TAF10: variants seen among roughly 807,000 people sequenced by gnomAD.
TAF10 encodes transcription initiation factor TFIID subunit 10.
In TAF10, 2 loss-of-function variants were observed where a neutral mutation model predicts 18.1. That is an observed-to-expected ratio of 0.11 (90% CI 0.05 to 0.35). The LOEUF is 0.35. Ranked by LOEUF, TAF10 falls within the 10% of genes least tolerant of loss-of-function variation. TAF10 has a pLI of 1.00. For synonymous variants in TAF10, 158 were observed against 134.6 expected (o/e 1.17, Z -1.20); for missense variants, 293 against 306.9 (o/e 0.95, Z 0.34).
At position 6,610,482 on chromosome 11, in the gene TAF10, G is replaced by T; in HGVS notation, c.*440C>A. ...CGCAGGTGGCATTGGAAGGCCTTCGGCCTACCATCCCACCAGGTATTTCCC... is the reference window on the plus strand; with the variant it reads ...CGCAGGTGGCATTGGAAGGCCTTCGTCCTACCATCCCACCAGGTATTTCCC... On this transcript the variant is annotated 3_prime_UTR_variant, in exon 5 of 5. Transcript: ENST00000299424. The T allele has an allele frequency of 6.2e-7, 1 of 1,614,186 alleles. No homozygotes were observed. Among genetic ancestry groups the T allele is most frequent in the Non-Finnish European group, 8.5e-7 (1 of 1,180,030 alleles).
Position 6,608,801 on chromosome 11 carries a change from C to T in TAF10, c.*2121G>A. ...GAGAGCTTCTCCGAGGTCCATCTCC[C>T]CATCCCCTAGCTTGTGTCCTCTCGT... On this transcript the variant is annotated 3_prime_UTR_variant, in exon 5 of 5. Coordinates refer to ENST00000299424, the MANE Select transcript of TAF10 (RefSeq NM_006284.4). This position sits in a 1 kb window ranked among gnomAD's most constrained non-coding sequence, Gnocchi z 4.9. 6.2e-7 allele frequency: 1 copy of T among 1,612,752 alleles called. No individual in the cohort carries two copies. The highest frequency in any genetic ancestry group is 8.5e-7 in the Non-Finnish European group (1 of 1,178,734).
At position 6,609,810 on chromosome 11, in the gene TAF10, A is replaced by G. The variant is rs201508380; in HGVS notation, c.*1112T>C. 7 of 1,614,046 alleles carry G rather than the reference A, an allele frequency of 4.3e-6. No homozygotes were observed. Among genetic ancestry groups the G allele is most frequent in the Non-Finnish European group, 1.7e-6 (2 of 1,180,026 alleles). On this transcript the variant is annotated 3_prime_UTR_variant, in exon 5 of 5. Transcript: ENST00000299424. ...CTTCCTACACACACTAGAGCCCCTC[A>G]TCCCACGACATGCACTCAATAGCCG... is the stretch of plus-strand genomic sequence containing the variant.
rs1392625092 is a variant in TAF10, at chr11:6,608,591, T to C, written c.*2331A>G. The stretch of plus-strand genomic sequence containing the variant: ...AACCCATTCTGTCAGTACTACTGTG[T>C]GACACTTACAGGATTAAGTTCTACA... On this transcript the variant is annotated 3_prime_UTR_variant, in exon 5 of 5. Coordinates refer to ENST00000299424, the MANE Select transcript of TAF10 (RefSeq NM_006284.4). The surrounding 1 kb of genome is among the most constrained non-coding windows in gnomAD (Gnocchi z 4.9). 1.2e-5 allele frequency: 16 copies of C among 1,339,444 alleles called. No homozygotes were observed. The highest frequency in any genetic ancestry group is 1.6e-5 in the Non-Finnish European group (15 of 929,722). The allele number at this position is 1,339,444 out of a possible 1,614,324, so 83.0% of individuals were successfully genotyped here. A position where few individuals can be genotyped will look rare whatever the true frequency, so the allele number is the denominator to read the frequency against.
chr11:6,610,733 T>G lies in TAF10; in HGVS notation c.*189A>C. On this transcript the variant is annotated 3_prime_UTR_variant, in exon 5 of 5. Coordinates refer to ENST00000299424, the MANE Select transcript of TAF10 (RefSeq NM_006284.4). ...TCCAGTCATGGTACTACCCCAGCCA[T>G]GGGGTCCATCCCCTTCCCCCATCCC... The G allele has an allele frequency of 2.9e-6, 4 of 1,385,406 alleles. No homozygotes were observed. The highest frequency in any genetic ancestry group is 4.1e-6 in the Non-Finnish European group (4 of 984,612). The allele number at this position is 1,385,406 out of a possible 1,614,324, so 85.8% of individuals were successfully genotyped here.
In TAF10 at chr11:6,612,207, C is replaced by T. The variant is rs1408688616; in HGVS notation, c.-18G>A. 4 of 1,241,464 alleles carry T rather than the reference C, an allele frequency of 3.2e-6. No homozygotes were observed. Among genetic ancestry groups the T allele is most frequent in the South Asian group, 2.1e-5 (1 of 46,930 alleles). 76.9% of individuals were successfully genotyped at this position (1,241,464 alleles called of 1,614,324 possible). A position where few individuals can be genotyped will look rare whatever the true frequency, so the allele number is the denominator to read the frequency against. ...CAGCTCATCGGGCCGGTGGGAGAGG[C>T]GGCGAACAGAGCCGCTTCCGCTTCC... On this transcript the variant is annotated 5_prime_UTR_variant, in exon 1 of 5. Transcript: ENST00000299424.
chr11:6,608,792 T>TC lies in TAF10; in HGVS notation c.*2129dup, dbSNP rs1254352312. 1 of 1,613,190 alleles carries TC rather than the reference T, an allele frequency of 6.2e-7. No homozygotes were observed. Among genetic ancestry groups the TC allele is most frequent in the Non-Finnish European group, 8.5e-7 (1 of 1,179,340 alleles). ...CACCCCTGAGAGAGCTTCTCCGAGG[T>TC]CCATCTCCCCATCCCCTAGCTTGTG... On this transcript the variant is annotated 3_prime_UTR_variant, in exon 5 of 5. Transcript: ENST00000299424. This position sits in a 1 kb window ranked among gnomAD's most constrained non-coding sequence, Gnocchi z 4.9.
rs1855051619 is a variant in TAF10 at position 6,607,573 on chromosome 11, TCTC to T, written c.*3346_*3348del. On this transcript the variant is annotated 3_prime_UTR_variant, in exon 5 of 5. Transcript: ENST00000299424. Reference sequence around the variant, plus strand: ...TGGCCTGCCTTCTCCAAGACACCCTTCTCCCCCACTAACATGCACTGAACAGCT... The same window carrying T: ...TGGCCTGCCTTCTCCAAGACACCCTTCCCCACTAACATGCACTGAACAGCT... 1 of 182,274 alleles carries T rather than the reference TCTC, an allele frequency of 5.5e-6. No homozygotes were observed. The highest frequency in any genetic ancestry group is 2.4e-5 in the African/African-American group (1 of 42,222). The allele number at this position is 182,274 out of a possible 1,614,324, so 11.3% of individuals were successfully genotyped here. A position where few individuals can be genotyped will look rare whatever the true frequency, so the allele number is the denominator to read the frequency against.
Position 6,610,581 on chromosome 11 carries a change from G to A in TAF10, c.*341C>T. ...AGCGACCCAAATTTGACATGATTGT[G>A]CCTATCCTTGAGAAGATGCAGGACA... On this transcript the variant is annotated 3_prime_UTR_variant, in exon 5 of 5. Coordinates refer to ENST00000299424, the MANE Select transcript of TAF10 (RefSeq NM_006284.4). 1.9e-6 allele frequency: 3 copies of A among 1,614,226 alleles called. No homozygotes were observed. Among genetic ancestry groups the A allele is most frequent in the Non-Finnish European group, 2.5e-6 (3 of 1,180,034 alleles).
In TAF10 at chr11:6,609,166, G is replaced by C. The variant is rs876657478; in HGVS notation, c.*1756C>G. ...GAATCACTCTGGAGAGGTGACCCCT[G>C]CCCTTCTTGCCCTTCCCTCACTAAA... On this transcript the variant is annotated 3_prime_UTR_variant, in exon 5 of 5. Transcript: ENST00000299424. 2 of 1,609,134 alleles carry C rather than the reference G, an allele frequency of 1.2e-6. No individual in the cohort carries two copies. Among genetic ancestry groups the C allele is most frequent in the Admixed American group, 1.7e-5 (1 of 60,002 alleles).
In TAF10 at chr11:6,606,301, A is replaced by T. The variant is rs2555175; in HGVS notation, c.*4621T>A. 0.53 allele frequency: 80,924 copies of T among 152,084 alleles called. 21,815 individuals are homozygous for T. The highest frequency in any genetic ancestry group is 0.6 in the African/African-American group (24,681 of 41,472). The allele number at this position is 152,084 out of a possible 1,614,324, so 9.4% of individuals were successfully genotyped here. ...AGTGATGGTGACTCAGAGTGGCAAA[A>T]TCAAATTCTTTATTTTTTAAAATTG... On this transcript the variant is annotated 3_prime_UTR_variant, in exon 5 of 5. Coordinates refer to ENST00000299424, the MANE Select transcript of TAF10 (RefSeq NM_006284.4).
intron 4 of TAF10, 30 bp downstream of exon 4, chr11:6,611,159 A>G (rs1230319709): frequency 6.2e-7 from 1 of 1,607,510 alleles, no homozygotes; most frequent in South Asian, 1.1e-5. Flanking sequence ...GTGGAAGGTA[A>G]TTACTGATTC....
chr11:6,609,011 C>G lies in TAF10; in HGVS notation c.*1911G>C, dbSNP rs183160844. The G allele has an allele frequency of 5.0e-6, 8 of 1,612,524 alleles. No individual in the cohort carries two copies. The highest frequency in any genetic ancestry group is 6.8e-6 in the Non-Finnish European group (8 of 1,178,670). ...AAGAAGGGTTGTAAAAGGAAATAATCCTGGCCTCTTGGGGCTGGGTTAGGG... is the reference window on the plus strand; with the variant it reads ...AAGAAGGGTTGTAAAAGGAAATAATGCTGGCCTCTTGGGGCTGGGTTAGGG... On this transcript the variant is annotated 3_prime_UTR_variant, in exon 5 of 5. Coordinates refer to ENST00000299424, the MANE Select transcript of TAF10 (RefSeq NM_006284.4).
Position 6,612,038 on chromosome 11 carries a change from C to G in TAF10, c.152G>C (p.Gly51Ala). 6.7e-7 allele frequency: 1 copy of G among 1,487,986 alleles called. No homozygotes were observed. The highest frequency in any genetic ancestry group is 2.2e-5 in the Admixed American group (1 of 44,678). 92.2% of individuals were successfully genotyped at this position (1,487,986 alleles called of 1,614,324 possible). A position where few individuals can be genotyped will look rare whatever the true frequency, so the allele number is the denominator to read the frequency against. Reference protein sequence around the residue: ...NKASPAGTAGGPGAGAAAGGT... With the variant: ...NKASPAGTAGAPGAGAAAGGT... Reference sequence around the variant, plus strand: ...CCCAGCAGCTGCTCCAGCCCCAGGTCCCCCCGCTGTCCCCGCGGGGCTGGC... The same window carrying G: ...CCCAGCAGCTGCTCCAGCCCCAGGTGCCCCCGCTGTCCCCGCGGGGCTGGC... Residue 51 changes from glycine (G) to alanine (A), a missense_variant, in exon 1 of 5, where the codon GGA becomes GCA. Coordinates refer to ENST00000299424, the MANE Select transcript of TAF10 (RefSeq NM_006284.4).
rs1855380722 is a variant in TAF10, at chr11:6,610,377, A to G, written c.*545T>C. 6.2e-7 allele frequency: 1 copy of G among 1,613,064 alleles called. No homozygotes were observed. The highest frequency in any genetic ancestry group is 2.2e-5 in the East Asian group (1 of 44,884). On this transcript the variant is annotated 3_prime_UTR_variant, in exon 5 of 5. Coordinates refer to ENST00000299424, the MANE Select transcript of TAF10 (RefSeq NM_006284.4). ...GCTCCTCACATATTTGTTCGGATAT[A>G]CAGTAATCCTGTCCCAAGGGCCAGT...
rs1043390 is a variant in TAF10, at chr11:6,609,602, G to C, written c.*1320C>G. The C allele has an allele frequency of 2.5e-6, 4 of 1,613,816 alleles. No individual in the cohort carries two copies. Among genetic ancestry groups the C allele is most frequent in the African/African-American group, 1.3e-5 (1 of 74,812 alleles). Reference sequence around the variant, plus strand: ...CTACTCTCATCACACACTGGATGCCGTATGGATCCCTCTACAATGTACTAC... The same window carrying C: ...CTACTCTCATCACACACTGGATGCCCTATGGATCCCTCTACAATGTACTAC... On this transcript the variant is annotated 3_prime_UTR_variant, in exon 5 of 5. Transcript: ENST00000299424.
Position 6,610,788 on chromosome 11 carries a change from C to T in TAF10, c.*134G>A, listed in dbSNP as rs1025953040. 7 of 1,345,756 alleles carry T rather than the reference C, an allele frequency of 5.2e-6. No homozygotes were observed. In the African/African-American group the frequency reaches 5.7e-5, roughly 11 times the overall value. The allele number at this position is 1,345,756 out of a possible 1,614,324, so 83.4% of individuals were successfully genotyped here. Reference sequence around the variant, plus strand: ...ACTGTGGCCCCAAGAGGGGCGGGCTCAGAGCTTTGTCACTTGCCACATGGT... The same window carrying T: ...ACTGTGGCCCCAAGAGGGGCGGGCTTAGAGCTTTGTCACTTGCCACATGGT... On this transcript the variant is annotated 3_prime_UTR_variant, in exon 5 of 5. Coordinates refer to ENST00000299424, the MANE Select transcript of TAF10 (RefSeq NM_006284.4).
chr11:6,608,326 A>T lies in TAF10; in HGVS notation c.*2596T>A, dbSNP rs1855149459. 1.9e-6 allele frequency: 3 copies of T among 1,572,838 alleles called. No individual in the cohort carries two copies. In the South Asian group the frequency reaches 3.3e-5, roughly 17 times the overall value. ...CTCTTCCCCCTTTTCCCATGCCCTGACACCAGTATCTCATTTGGAACTGAC... is the reference window on the plus strand; with the variant it reads ...CTCTTCCCCCTTTTCCCATGCCCTGTCACCAGTATCTCATTTGGAACTGAC... On this transcript the variant is annotated 3_prime_UTR_variant, in exon 5 of 5. Coordinates refer to ENST00000299424, the MANE Select transcript of TAF10 (RefSeq NM_006284.4). This position sits in a 1 kb window ranked among gnomAD's most constrained non-coding sequence, Gnocchi z 4.9.
Position 6,610,669 on chromosome 11 carries a change from C to T in TAF10, c.*253G>A. ...GTCGGGACATGGTTGGGGGAATGCA[C>T]CTCCCCAAAGCAGCAGGCCTCTGGT... is the stretch of plus-strand genomic sequence containing the variant. On this transcript the variant is annotated 3_prime_UTR_variant, in exon 5 of 5. Transcript: ENST00000299424. The T allele has an allele frequency of 6.2e-7, 1 of 1,602,306 alleles. No homozygotes were observed. Among genetic ancestry groups the T allele is most frequent in the Non-Finnish European group, 8.5e-7 (1 of 1,170,134 alleles).
Position 6,612,049 on chromosome 11 carries a change from C to T in TAF10, c.141G>A (p.Gly47=). 6.8e-7 allele frequency: 1 copy of T among 1,468,304 alleles called. No homozygotes were observed. Among genetic ancestry groups the T allele is most frequent in the Non-Finnish European group, 8.9e-7 (1 of 1,119,288 alleles). 91.0% of individuals were successfully genotyped at this position (1,468,304 alleles called of 1,614,324 possible). Residue 47 remains glycine (G), a synonymous_variant, in exon 1 of 5, where the codon GGG becomes GGA. Coordinates refer to ENST00000299424, the MANE Select transcript of TAF10 (RefSeq NM_006284.4). ...TAAENKASPA[G]TAGGPGAGAA... is the part of the protein sequence containing the mutation. ...CTCCAGCCCCAGGTCCCCCCGCTGT[C>T]CCCGCGGGGCTGGCCTTGTTCTCCG... is the stretch of plus-strand genomic sequence containing the variant.
Sources: allele counts gnomAD v4.1 joint callset, GRCh38; gene constraint gnomAD v4.1.1; non-coding constraint Gnocchi (gnomAD v3.1); transcripts MANE v1.5; gene names NCBI Gene and HGNC (gene_info 2026-07-23, HGNC 2026-07-21).